Variants in LPAR1 observed in about 807,000 individuals in gnomAD.
LPAR1 encodes lysophosphatidic acid receptor 1.
In LPAR1, 5 loss-of-function variants were observed where a neutral mutation model predicts 23.8. The observed-to-expected ratio is 0.21, with a 90% CI of 0.11 to 0.44. The LOEUF (loss-of-function observed/expected upper bound fraction) is 0.44, where lower values mean the gene tolerates loss of function less well. Among genes scored for constraint, LPAR1 ranks in the 20% least tolerant of loss-of-function variants. The probability of loss-of-function intolerance (pLI) is 0.99; values close to 1 mark genes in which losing one functional copy is unlikely to be tolerated. For synonymous variants in LPAR1, 160 were observed against 164.7 expected, an observed-to-expected ratio of 0.97 and a Z score of 0.22; for missense variants, 311 against 482.8, an observed-to-expected ratio of 0.64 and a Z score of 3.33.
chr9:110,997,857 C>T (rs2097049285), intron 2 of LPAR1, among the ~76,000 whole-genome samples: 1 of 152,188 alleles, frequency 6.6e-6, no homozygotes, highest in Non-Finnish European at 1.5e-5. Flanking sequence ...AAAGCTGGTG[C>T]ATAAGATGCT....
chr9:111,019,091 C>T (rs2097511040), intron 2 of LPAR1, among the ~76,000 whole-genome samples: 1 of 152,094 alleles, frequency 6.6e-6, no homozygotes, highest in Non-Finnish European at 1.5e-5. Flanking sequence ...ATAACAAATA[C>T]ATTCATTAGG....
intron 5 of LPAR1, among the ~76,000 whole-genome samples, chr9:110,882,510 C>G (rs2081162994): frequency 6.6e-6 from 1 of 152,174 alleles, no homozygotes; most frequent in Non-Finnish European, 1.5e-5. Context: ...AAGGAAGACC[C>G]TGGAAGACCA....
chr9:111,018,021 A>C (rs532064691), intron 2 of LPAR1, among the ~76,000 whole-genome samples: 2 of 152,306 alleles, frequency 1.3e-5, no homozygotes, highest in Admixed American at 1.3e-4. Context: ...CTGTCTAAAA[A>C]AAAACAAAAC....
intron 2 of LPAR1, among the ~76,000 whole-genome samples, chr9:110,998,141 A>G (rs2097055463): frequency 6.6e-6 from 1 of 152,284 alleles, no homozygotes; most frequent in African/African-American, 2.4e-5. Flanking sequence ...CACTTTAAGA[A>G]CCACTCACTA....
At chr9:111,018,079 C>G (rs1263464872) in intron 2 of LPAR1, among the ~76,000 whole-genome samples, 2 of 151,960 alleles carry the variant, frequency 1.3e-5, no homozygotes, top group Non-Finnish European at 2.9e-5. Flanking sequence ...GGACATAAAA[C>G]TAAGGGAAGC....
chr9:110,980,666 T>C (rs1361245634), intron 2 of LPAR1, among the ~76,000 whole-genome samples: 1 of 151,822 alleles, frequency 6.6e-6, no homozygotes, highest in East Asian at 1.9e-4. Context: ...TTAATGGATG[T>C]ACAAAGTTAT....
intron 4 of LPAR1, among the ~76,000 whole-genome samples, chr9:110,953,246 C>A (rs1430859085): frequency 6.6e-6 from 1 of 152,206 alleles, no homozygotes; most frequent in Non-Finnish European, 1.5e-5. Context: ...ACACCAAGAA[C>A]AGGCATGCTC....
chr9:111,002,210 G>T (rs1397941342), intron 2 of LPAR1, among the ~76,000 whole-genome samples: 1 of 151,998 alleles, frequency 6.6e-6, no homozygotes, highest in African/African-American at 2.4e-5. Context: ...AACTACGCAG[G>T]AACATTCAAT....
At chr9:111,024,439 T>A (rs2097642395) in intron 2 of LPAR1, among the ~76,000 whole-genome samples, 1 of 147,272 alleles carries the variant, frequency 6.8e-6, no homozygotes, top group East Asian at 1.9e-4. Flanking sequence ...ACATATATAA[T>A]TTTTATATAT....
rs1467134397 is a variant in LPAR1 at position 111,038,329 on chromosome 9, C to G, written c.-424G>C. 6.7e-6 allele frequency: 1 copy of G among 150,076 alleles called. No homozygotes were observed. The highest frequency in any genetic ancestry group is 1.5e-5 in the Non-Finnish European group (1 of 67,736). The allele number at this position is 150,076 out of a possible 1,614,324, so 9.3% of individuals were successfully genotyped here. ...GGGGCCGCCCCCTGCGCCCACCCCG[C>G]CGGGGTCCCGTGCTCGGCCGGGCGG... On this transcript the variant is annotated 5_prime_UTR_variant, in exon 1 of 6. Coordinates refer to ENST00000683809, the MANE Select transcript of LPAR1 (RefSeq NM_001351411.2). This position sits in a 1 kb window ranked among gnomAD's most constrained non-coding sequence, Gnocchi z 4.4.
intron 2 of LPAR1, among the ~76,000 whole-genome samples, chr9:110,987,986 G>GA (rs1040766788): frequency 7.4e-5 from 11 of 149,434 alleles, no homozygotes; most frequent in East Asian, 2.0e-4. Flanking sequence ...CTGGATTAAA[G>GA]AAAAAAAAAG....
chr9:111,014,437 C>CTCCCATCCT (rs1341852108), intron 2 of LPAR1, among the ~76,000 whole-genome samples: 1 of 152,064 alleles, frequency 6.6e-6, no homozygotes, highest in Non-Finnish European at 1.5e-5. Context: ...GCCCCCCAAA[C>CTCCCATCCT]TCCCATCCTT....
chr9:110,962,332 G>C (rs2096027986), intron 4 of LPAR1, among the ~76,000 whole-genome samples: 1 of 152,106 alleles, frequency 6.6e-6, no homozygotes, highest in Non-Finnish European at 1.5e-5. Context: ...TCTTTACCAG[G>C]TTACTGCAGT....
In LPAR1 at chr9:110,960,651, G is replaced by C. The variant is rs150313043; in HGVS notation, c.45+11422C>G. ...ATTTTGCTTAATTTTTTTTAAAAAA[G>C]GAAAGAAAGAAATTGAATTCAGTCT... On this transcript the variant is annotated intron_variant, in intron 4 of 5. Transcript: ENST00000683809. Among the ~76,000 whole-genome samples, 870 of 152,124 alleles carry C rather than the reference G, an allele frequency of 5.7e-3. 8 individuals carry two copies. The highest frequency in any genetic ancestry group is 0.019 in the African/African-American group (809 of 41,504).
chr9:111,005,546 C>CA (rs60143050), intron 2 of LPAR1, among the ~76,000 whole-genome samples: 2,575 of 70,124 alleles, frequency 0.037, 203 homozygotes, highest in African/African-American at 0.062. Flanking sequence ...GACCCTGTCT[C>CA]AAAAAAAAAA....
intron 4 of LPAR1, among the ~76,000 whole-genome samples, chr9:110,955,558 A>C (rs2095709515): frequency 6.6e-6 from 1 of 152,226 alleles, no homozygotes; most frequent in African/African-American, 2.4e-5. Flanking sequence ...CTTTACACAA[A>C]AATGGACCTA....
At chr9:110,930,922 A>C (rs1378340249) in intron 5 of LPAR1, among the ~76,000 whole-genome samples, 1 of 151,366 alleles carries the variant, frequency 6.6e-6, no homozygotes, top group Non-Finnish European at 1.5e-5. Context: ...TCACAAAAAC[A>C]AAAAAAAAGG....
chr9:111,027,883 C>A, intron 2 of LPAR1, among the ~76,000 whole-genome samples: 2 of 67,766 alleles, frequency 3.0e-5, no homozygotes, highest in East Asian at 3.7e-4. Flanking sequence ...AGCACAAGTC[C>A]TCAAAAAAAA....
At chr9:110,986,384 A>C (rs187946582) in intron 2 of LPAR1, among the ~76,000 whole-genome samples, 1 of 152,152 alleles carries the variant, frequency 6.6e-6, no homozygotes, top group African/African-American at 2.4e-5. Context: ...ATTTCATTCT[A>C]AGAGTAAGTG....
Sources: gnomAD v4.1 joint callset for allele counts (sites outside exome capture counted in the v4.1 genomes callset) on GRCh38, gnomAD v4.1.1 for gene constraint, Gnocchi (gnomAD v3.1) non-coding constraint, MANE v1.5 for transcripts, NCBI Gene and HGNC (gene_info 2026-07-23, HGNC 2026-07-21) for gene names.